TRAPPC9: variants seen among roughly 807,000 people sequenced by gnomAD.
TRAPPC9 encodes IKK2 binding protein.
Under a neutral mutation model 124.0 loss-of-function variants are expected in TRAPPC9, and 83 were observed. The observed-to-expected ratio is 0.67, with a 90% CI of 0.56 to 0.80. The LOEUF (loss-of-function observed/expected upper bound fraction) is 0.80, where lower values mean the gene tolerates loss of function less well. Ranked by LOEUF, TRAPPC9 falls within the 30% of genes least tolerant of loss-of-function variation. The pLI is 0.00. For synonymous variants in TRAPPC9, 638 were observed against 617.5 expected, an observed-to-expected ratio of 1.03 and a Z score of -0.49; for missense variants, 1,302 against 1,508.3, an observed-to-expected ratio of 0.86 and a Z score of 2.27.
chr8:139,753,847 C>T (rs556892100), intron 21 of TRAPPC9, among the ~76,000 whole-genome samples: 2 of 152,328 alleles, frequency 1.3e-5, no homozygotes, highest in South Asian at 4.1e-4. Context: ...CTGGGCAATG[C>T]CACCCCCCTC....
chr8:140,356,453 G>A (rs899541584), intron 9 of TRAPPC9, among the ~76,000 whole-genome samples: 3 of 152,142 alleles, frequency 2.0e-5, no homozygotes, highest in African/African-American at 7.2e-5. Flanking sequence ...CTGCATACAC[G>A]CTCAGTCATC....
rs897905431 is a variant in TRAPPC9, at chr8:140,404,794, ATG to A, written c.1008+781_1008+782del. 5.0e-3 allele frequency among the ~76,000 whole-genome samples: 731 copies of A among 147,412 alleles called. 9 individuals are homozygous for A. The highest frequency in any genetic ancestry group is 0.017 in the African/African-American group (662 of 39,476). The stretch of plus-strand genomic sequence containing the variant: ...TGCGTGTGTGAGCATGCTTGTATGT[ATG>A]TGTGTGTGAACATGTGTGTATGTGC... On this transcript the variant is annotated intron_variant, in intron 6 of 22. Transcript: ENST00000438773.
intron 21 of TRAPPC9, among the ~76,000 whole-genome samples, chr8:139,749,944 T>A (rs1050913496): frequency 6.6e-6 from 1 of 152,008 alleles, no homozygotes; most frequent in Non-Finnish European, 1.5e-5. Flanking sequence ...GCCCAGACAC[T>A]CCCTCTGTCC....
At position 140,069,761 on chromosome 8, in the gene TRAPPC9, G is replaced by A. The variant is rs186310080; in HGVS notation, c.2557-45682C>T. Among the ~76,000 whole-genome samples the A allele has an allele frequency of 7.2e-5, 11 of 152,214 alleles. No homozygotes were observed. The East Asian group carries it at 9.7e-4, about 13-fold the overall frequency. Reference sequence around the variant, plus strand: ...ATCCCTAGGTTCACCACACCAAGCCGCCTGCAAGCTGGAGAACCAGAGGAG... The same window carrying A: ...ATCCCTAGGTTCACCACACCAAGCCACCTGCAAGCTGGAGAACCAGAGGAG... On this transcript the variant is annotated intron_variant, in intron 17 of 22. Coordinates refer to ENST00000438773, the MANE Select transcript of TRAPPC9 (RefSeq NM_001160372.4).
At chr8:140,055,720 A>T (rs1307226473) in intron 17 of TRAPPC9, among the ~76,000 whole-genome samples, 3 of 152,238 alleles carry the variant, frequency 2.0e-5, no homozygotes, top group African/African-American at 7.2e-5. Flanking sequence ...ATGAACTATC[A>T]GAAAAAGAAA....
chr8:139,769,967 G>A (rs142770939), intron 21 of TRAPPC9, among the ~76,000 whole-genome samples: 2 of 152,360 alleles, frequency 1.3e-5, no homozygotes, highest in African/African-American at 2.4e-5. Context: ...AACTCCCCAG[G>A]GAAGGCAGGG....
intron 17 of TRAPPC9, among the ~76,000 whole-genome samples, chr8:140,179,387 G>C (rs1291739261): frequency 1.3e-5 from 2 of 152,092 alleles, no homozygotes; most frequent in Middle Eastern, 6.3e-3. Context: ...GCTTACCAAT[G>C]TATCTTAATG....
intron 19 of TRAPPC9, among the ~76,000 whole-genome samples, chr8:139,926,191 G>A (rs1054081670): frequency 6.6e-6 from 1 of 152,202 alleles, no homozygotes; most frequent in Admixed American, 6.5e-5. Flanking sequence ...GCAGAGGCCT[G>A]GGGAGGTGAG....
chr8:139,803,450 T>A (rs890273021), intron 21 of TRAPPC9, among the ~76,000 whole-genome samples: 1 of 152,198 alleles, frequency 6.6e-6, no homozygotes, highest in South Asian at 2.1e-4. Context: ...AGCCACCTCA[T>A]GCGGGAGCCC....
At chr8:140,195,411 C>T (rs111728186) in intron 17 of TRAPPC9, among the ~76,000 whole-genome samples, 6,032 of 152,026 alleles carry the variant, frequency 0.04, 332 homozygotes, top group African/African-American at 0.13. Flanking sequence ...TTGTACAGAT[C>T]GCATCTGTGA....
intron 16 of TRAPPC9, among the ~76,000 whole-genome samples, chr8:140,222,099 C>T (rs1252116881): frequency 3.3e-5 from 5 of 152,150 alleles, no homozygotes; most frequent in African/African-American, 7.2e-5. Flanking sequence ...GTTTGGACCA[C>T]GCAGAGCCCA....
At chr8:140,386,724 GA>G (rs1371733585) in intron 7 of TRAPPC9, among the ~76,000 whole-genome samples, 1 of 152,122 alleles carries the variant, frequency 6.6e-6, no homozygotes, top group Non-Finnish European at 1.5e-5. Flanking sequence ...TCAATATCGT[GA>G]AAATGGCCAT....
At chr8:140,165,496 G>A (rs911396195) in intron 17 of TRAPPC9, among the ~76,000 whole-genome samples, 6 of 150,476 alleles carry the variant, frequency 4.0e-5, no homozygotes, top group South Asian at 2.1e-4. Flanking sequence ...CTGAGATCAC[G>A]CCACTGCACG....
intron 17 of TRAPPC9, among the ~76,000 whole-genome samples, chr8:140,220,219 T>A (rs7388551): frequency 0.66 from 100,049 of 152,022 alleles, 33,387 homozygotes; most frequent in Admixed American, 0.73. Flanking sequence ...CTTGCTACGA[T>A]CCATTACCTA....
At position 140,276,049 on chromosome 8, in the gene TRAPPC9, C is replaced by T. The variant is rs79696097; in HGVS notation, c.2115-228G>A. Among the ~76,000 whole-genome samples, 9 of 152,278 alleles carry T rather than the reference C, an allele frequency of 5.9e-5. No homozygotes were observed. The East Asian group carries it at 1.7e-3, about 29-fold the overall frequency. ...CAGACACGTCCAGGTCTTTGTGTGT[C>T]ATAAACATGAACACCCTCACTCAGC... On this transcript the variant is annotated intron_variant, in intron 14 of 22. Coordinates refer to ENST00000438773, the MANE Select transcript of TRAPPC9 (RefSeq NM_001160372.4).
chr8:140,050,900 T>TCAGC (rs1841956184), intron 17 of TRAPPC9, among the ~76,000 whole-genome samples: 1 of 152,214 alleles, frequency 6.6e-6, no homozygotes, highest in Non-Finnish European at 1.5e-5. Flanking sequence ...GCCTTCTTTC[T>TCAGC]CAGCTGGGCA....
At chr8:140,284,056 C>A in intron 13 of TRAPPC9, 35 bp from the exon 14 acceptor site, 1 of 1,613,342 alleles carries the variant, frequency 6.2e-7, no homozygotes, top group Non-Finnish European at 8.5e-7. Context: ...ACTCCACTGG[C>A]AAGGCTTTGG....
intron 17 of TRAPPC9, among the ~76,000 whole-genome samples, chr8:140,056,375 A>G (rs1458413723): frequency 6.6e-6 from 1 of 152,062 alleles, no homozygotes; most frequent in Non-Finnish European, 1.5e-5. Context: ...CCACCACTGC[A>G]GTCTAGCCTA....
chr8:140,205,084 T>C (rs2062889749), intron 17 of TRAPPC9, among the ~76,000 whole-genome samples: 1 of 152,230 alleles, frequency 6.6e-6, no homozygotes, highest in South Asian at 2.1e-4. Flanking sequence ...TGTGTAGGAA[T>C]ACTCAAAGTA....
Sources: allele counts gnomAD v4.1 joint callset (sites outside exome capture counted in the v4.1 genomes callset), GRCh38; gene constraint gnomAD v4.1.1; transcripts MANE v1.5; gene names NCBI Gene and HGNC (gene_info 2026-07-23, HGNC 2026-07-21).